The following ABCB11 variants were observed in gnomAD, a reference collection of about 807,000 sequenced individuals.
ABCB11 encodes the protein ATP binding cassette subfamily B member 11.
ABCB11 carries 95 observed loss-of-function variants against 148.0 expected under a neutral mutation model. The ratio of observed to expected loss-of-function variants is 0.64; its 90% CI spans 0.54 to 0.76. ABCB11 has a LOEUF of 0.76. Ranked by LOEUF, ABCB11 falls within the 30% of genes least tolerant of loss-of-function variation. ABCB11 has a pLI of 0.00. For missense variants in ABCB11, 1,523 were observed against 1,617.8 expected (o/e 0.94, Z 1.01); for synonymous variants, 591 against 555.4 (o/e 1.06, Z -0.90).
intron 25 of ABCB11, 56 bp downstream of exon 25, chr2:168,930,609 A>C: frequency 7.4e-7 from 1 of 1,357,036 alleles, no homozygotes; most frequent in Non-Finnish European, 9.6e-7. Context: ...GCCCACTTTT[A>C]GGGGTTGGAA....
chr2:169,015,962 C>T (rs1159182783), intron 3 of ABCB11, among the ~76,000 whole-genome samples: 1 of 152,150 alleles, frequency 6.6e-6, no homozygotes, highest in Non-Finnish European at 1.5e-5. Flanking sequence ...ATGCAATGCA[C>T]ACTTCATTTC....
Position 168,958,100 on chromosome 2 carries a change from ACTT to A in ABCB11, c.2204_2206del (p.Glu735del). ...AATCCTCCTAACTGGGGCAGGTTCA[ACTT>A]CTTCCTGCACAGGAATGTCCTTGTC... On this transcript the variant is annotated inframe_deletion, in exon 19 of 28. Transcript: ENST00000650372. The A allele has an allele frequency of 6.2e-7, 1 of 1,611,178 alleles. No individual in the cohort carries two copies. The highest frequency in any genetic ancestry group is 1.1e-5 in the South Asian group (1 of 90,988).
intron 5 of ABCB11, among the ~76,000 whole-genome samples, chr2:168,997,513 ATTGCTT>A (rs1694753022): frequency 6.6e-6 from 1 of 152,038 alleles, no homozygotes; most frequent in African/African-American, 2.4e-5. Context: ...AAATTCTGAA[ATTGCTT>A]TTATGAATGA....
Position 168,921,345 on chromosome 2 carries a change from G to A in ABCB11, c.*2277C>T, listed in dbSNP as rs1248763751. ...ATTTATAGGCAGAATTTCGTTTGTT[G>A]GCTAAGGGAAGAAAAACCATCTACG... On this transcript the variant is annotated 3_prime_UTR_variant, in exon 28 of 28. Coordinates refer to ENST00000650372, the MANE Select transcript of ABCB11 (RefSeq NM_003742.4). Among the ~76,000 whole-genome samples the A allele has an allele frequency of 6.6e-6, 1 of 152,106 alleles. No individual in the cohort carries two copies. The highest frequency in any genetic ancestry group is 1.9e-4 in the East Asian group (1 of 5,198).
At chr2:169,017,589 T>C (rs1695400818) in intron 2 of ABCB11, among the ~76,000 whole-genome samples, 1 of 152,086 alleles carries the variant, frequency 6.6e-6, no homozygotes, top group African/African-American at 2.4e-5. Flanking sequence ...AAATGTAAAA[T>C]CATAGGGTTA....
chr2:169,013,847 AG>A (rs2106049029), intron 4 of ABCB11, among the ~76,000 whole-genome samples: 1 of 152,320 alleles, frequency 6.6e-6, no homozygotes, highest in African/African-American at 2.4e-5. Flanking sequence ...GCCATTGCCA[AG>A]TAGATAAACT....
intron 8 of ABCB11, 135 bp from the exon 9 acceptor site, chr2:168,991,060 G>A (rs1389321955): frequency 8.9e-7 from 1 of 1,121,220 alleles, no homozygotes; most frequent in Non-Finnish European, 1.2e-6. Context: ...ATTGACAGGA[G>A]GAAGAAATCT....
chr2:168,927,445 T>G (rs377425768), intron 25 of ABCB11, 83 bp from the exon 26 acceptor site: 10 of 1,169,836 alleles, frequency 8.5e-6, no homozygotes, highest in Non-Finnish European at 1.2e-5. Context: ...TTAGGTGTTA[T>G]GCAGGACATT....
At chr2:168,948,052 T>A (rs1305670667) in intron 19 of ABCB11, among the ~76,000 whole-genome samples, 1 of 151,462 alleles carries the variant, frequency 6.6e-6, no homozygotes, top group East Asian at 2.0e-4. Flanking sequence ...AGAAGAGGTA[T>A]GACATGATCC....
At chr2:168,957,164 A>G (rs975150053) in intron 19 of ABCB11, among the ~76,000 whole-genome samples, 1 of 151,576 alleles carries the variant, frequency 6.6e-6, no homozygotes, top group Non-Finnish European at 1.5e-5. Context: ...CTAATCTTGC[A>G]ATGACAAGAT....
chr2:169,003,355 T>A (rs1363598682), intron 5 of ABCB11, among the ~76,000 whole-genome samples: 2 of 148,398 alleles, frequency 1.3e-5, no homozygotes, highest in Non-Finnish European at 3.0e-5. Context: ...TGTGCATATA[T>A]ATATATATGC....
chr2:169,027,866 C>A (rs182619475), intron 1 of ABCB11, among the ~76,000 whole-genome samples: 1 of 151,114 alleles, frequency 6.6e-6, no homozygotes, highest in Admixed American at 6.6e-5. Flanking sequence ...TGGCTGGGAT[C>A]AATACTAGCA....
chr2:169,013,063 A>T (rs1317535072), intron 5 of ABCB11, among the ~76,000 whole-genome samples: 1 of 152,180 alleles, frequency 6.6e-6, no homozygotes, highest in Non-Finnish European at 1.5e-5. Context: ...GTGACTTTCA[A>T]TCCTGTTTCT....
chr2:168,957,840 C>T, intron 19 of ABCB11, 124 bp downstream of exon 19: 1 of 1,022,146 alleles, frequency 9.8e-7, no homozygotes, highest in Non-Finnish European at 1.3e-6. Context: ...ATTTTTCATT[C>T]TTTAGAGATG....
At chr2:168,944,805 G>C (rs1185870905) in intron 20 of ABCB11, 39 bp from the exon 21 acceptor site, 1 of 1,606,814 alleles carries the variant, frequency 6.2e-7, no homozygotes, top group Non-Finnish European at 8.5e-7. Flanking sequence ...AAATTTTAAT[G>C]AGAAAAAAGG....
intron 5 of ABCB11, among the ~76,000 whole-genome samples, chr2:169,002,026 C>T (rs1169571636): frequency 6.6e-6 from 1 of 152,128 alleles, no homozygotes; most frequent in African/African-American, 2.4e-5. Context: ...ACAGGAGACA[C>T]ACTTTAGATC....
At chr2:168,965,304 C>T (rs1693252007) in intron 17 of ABCB11, among the ~76,000 whole-genome samples, 1 of 151,834 alleles carries the variant, frequency 6.6e-6, no homozygotes, top group South Asian at 2.1e-4. Context: ...CCTCCTCTTC[C>T]CTCCCCCAGA....
chr2:168,938,574 C>T (rs531732093), intron 21 of ABCB11, among the ~76,000 whole-genome samples: 18 of 152,022 alleles, frequency 1.2e-4, no homozygotes, highest in South Asian at 8.3e-4. Flanking sequence ...CTCTTTGGAA[C>T]GGTAAAACAT....
In ABCB11 at chr2:168,930,659, G is replaced by A; in HGVS notation, c.3411+6C>T. On this transcript the variant is annotated splice_donor_region_variant and intron_variant, in intron 25 of 27. Transcript: ENST00000650372. ...GCAAAATTCTCAAAAAGGTTGCGTG[G>A]CTTACCACCTTCCCTTGATCAGGAT... 6.6e-7 allele frequency: 1 copy of A among 1,508,222 alleles called. No homozygotes were observed. Among genetic ancestry groups the A allele is most frequent in the Non-Finnish European group, 8.9e-7 (1 of 1,120,864 alleles). The allele number at this position is 1,508,222 out of a possible 1,614,324, so 93.4% of individuals were successfully genotyped here.
Sources: allele counts gnomAD v4.1 joint callset (sites outside exome capture counted in the v4.1 genomes callset), GRCh38; gene constraint gnomAD v4.1.1; transcripts MANE v1.5; gene names NCBI Gene and HGNC (gene_info 2026-07-23, HGNC 2026-07-21).